Variants in SULT2A1 observed in about 807,000 individuals in gnomAD.
The protein encoded by SULT2A1 is sulfotransferase 2A1.
A neutral mutation model predicts 33.9 loss-of-function variants in SULT2A1; 43 were observed. That is an observed-to-expected ratio of 1.27 (90% CI 1.00 to 1.64). The LOEUF (loss-of-function observed/expected upper bound fraction) is 1.64. Among genes scored for constraint, SULT2A1 ranks in the 40% most tolerant of loss-of-function variants. The pLI is 0.00. For missense variants in SULT2A1, 300 were observed against 335.1 expected (o/e 0.90, Z 0.82); for synonymous variants, 125 against 113.6 (o/e 1.10, Z -0.64).
intron 2 of SULT2A1, 22 bp downstream of exon 2, chr19:47,883,555 G>T: frequency 6.2e-7 from 1 of 1,609,678 alleles, no homozygotes; most frequent in African/African-American, 1.3e-5. Flanking sequence ...GATCAAACAC[G>T]TCTTAACCAT....
At chr19:47,877,865 A>G (rs907753373) in intron 4 of SULT2A1, among the ~76,000 whole-genome samples, 2 of 152,128 alleles carry the variant, frequency 1.3e-5, no homozygotes, top group African/African-American at 4.8e-5. Flanking sequence ...TTGTTCTTTC[A>G]ATACTTGCTG....
chr19:47,879,328 G>A (rs1241658769), intron 3 of SULT2A1, among the ~76,000 whole-genome samples, 198 bp from the exon 4 acceptor site: 1 of 152,144 alleles, frequency 6.6e-6, no homozygotes, highest in Non-Finnish European at 1.5e-5. Flanking sequence ...ATACACTATG[G>A]AATGACAGTG....
At chr19:47,881,831 AAGTTTCCTGTGCTAG>A (rs986109140) in intron 3 of SULT2A1, among the ~76,000 whole-genome samples, 51 of 152,200 alleles carry the variant, frequency 3.4e-4, no homozygotes, top group Admixed American at 2.6e-3. Context: ...AGGAGAATAT[AAGTTTCCTGTGCTAG>A]TATTGGAGGC....
At chr19:47,875,737 A>G (rs896584050) in intron 4 of SULT2A1, among the ~76,000 whole-genome samples, 1 of 152,186 alleles carries the variant, frequency 6.6e-6, no homozygotes, top group African/African-American at 2.4e-5. Flanking sequence ...AGAGTTTAGG[A>G]CAACTTAACA....
At chr19:47,873,505 A>T (rs1440659259) in intron 5 of SULT2A1, among the ~76,000 whole-genome samples, 3 of 151,530 alleles carry the variant, frequency 2.0e-5, no homozygotes, top group African/African-American at 7.3e-5. Context: ...CATGCAATAG[A>T]CATTTCCATT....
intron 4 of SULT2A1, among the ~76,000 whole-genome samples, chr19:47,877,156 T>G (rs1473343403): frequency 6.6e-6 from 1 of 151,738 alleles, no homozygotes; most frequent in Non-Finnish European, 1.5e-5. Flanking sequence ...AGGAAGGTGT[T>G]GGGACGTGAC....
intron 4 of SULT2A1, among the ~76,000 whole-genome samples, chr19:47,878,199 G>A (rs1968566175): frequency 6.6e-6 from 1 of 152,052 alleles, no homozygotes; most frequent in South Asian, 2.1e-4. Flanking sequence ...TTTTAGAGCC[G>A]GCGTCTTGCT....
At chr19:47,880,616 T>C (rs1968594667) in intron 3 of SULT2A1, among the ~76,000 whole-genome samples, 1 of 151,444 alleles carries the variant, frequency 6.6e-6, no homozygotes, top group South Asian at 2.1e-4. Context: ...ACACAGAGTC[T>C]CACTCTGTCA....
intron 1 of SULT2A1, among the ~76,000 whole-genome samples, chr19:47,884,392 ATG>A (rs529457085): frequency 5.5e-4 from 83 of 150,030 alleles, no homozygotes; most frequent in African/African-American, 1.9e-3. Context: ...GTTAGCCAGG[ATG>A]GTCTCGATCT....
At chr19:47,877,340 G>A (rs745495356) in intron 4 of SULT2A1, among the ~76,000 whole-genome samples, 8 of 150,902 alleles carry the variant, frequency 5.3e-5, no homozygotes, top group Non-Finnish European at 1.0e-4. Flanking sequence ...GGGTTCAAGC[G>A]ATTCTCCTGA....
At chr19:47,883,846 C>T (rs189731114) in intron 1 of SULT2A1, 61 bp from the exon 2 acceptor site, 35 of 1,487,530 alleles carry the variant, frequency 2.4e-5, no homozygotes, top group East Asian at 9.4e-5. Flanking sequence ...TGGTGGCTCA[C>T]GCCTGTAATC....
At chr19:47,875,702 A>T (rs1448037141) in intron 4 of SULT2A1, among the ~76,000 whole-genome samples, 2 of 152,156 alleles carry the variant, frequency 1.3e-5, no homozygotes, top group Non-Finnish European at 2.9e-5. Flanking sequence ...AGATGCAAGG[A>T]TCATCGTGGA....
chr19:47,873,716 T>C (rs1050301193), intron 5 of SULT2A1, among the ~76,000 whole-genome samples: 1 of 136,302 alleles, frequency 7.3e-6, no homozygotes, highest in South Asian at 2.6e-4. Context: ...CTCCGCCTCC[T>C]GGGTTCACAC....
At chr19:47,885,331 A>G (rs1968645801) in intron 1 of SULT2A1, among the ~76,000 whole-genome samples, 1 of 151,980 alleles carries the variant, frequency 6.6e-6, no homozygotes, top group African/African-American at 2.4e-5. Context: ...TGTAAGTGGA[A>G]TCACACACTA....
chr19:47,881,017 C>T (rs1247697916), intron 3 of SULT2A1, among the ~76,000 whole-genome samples: 1 of 152,032 alleles, frequency 6.6e-6, no homozygotes, highest in Admixed American at 6.6e-5. Flanking sequence ...AGATAAACCC[C>T]ACGCAGTTAA....
chr19:47,875,165 A>C (rs1968531843), intron 4 of SULT2A1, among the ~76,000 whole-genome samples: 3 of 47,952 alleles, frequency 6.3e-5, no homozygotes, highest in Non-Finnish European at 4.4e-5. Context: ...TGTCAAAAAA[A>C]AAAAAAAAAA....
rs1968577804 is a variant in SULT2A1 at position 47,879,140 on chromosome 19, G to A, written c.473-10C>T. 1 of 1,579,966 alleles carries A rather than the reference G, an allele frequency of 6.3e-7. No individual in the cohort carries two copies. The highest frequency in any genetic ancestry group is 1.1e-5 in the South Asian group (1 of 90,246). On this transcript the variant is annotated splice_polypyrimidine_tract_variant and intron_variant, in intron 3 of 5. Coordinates refer to ENST00000222002, the MANE Select transcript of SULT2A1 (RefSeq NM_003167.4). ...CATGACCCATATAGCACTGCATGGG[G>A]TGGCAGAAAAAGTGATAGGTTACAA...
At chr19:47,886,056 A>G in intron 1 of SULT2A1, 66 bp downstream of exon 1, 1 of 1,573,322 alleles carries the variant, frequency 6.4e-7, no homozygotes, top group Middle Eastern at 1.7e-4. Context: ...GAAGAACTCC[A>G]ATCATGCACT....
chr19:47,871,618 G>T, intron 5 of SULT2A1, 51 bp from the exon 6 acceptor site: 1 of 1,219,900 alleles, frequency 8.2e-7, no homozygotes, highest in African/African-American at 1.5e-5. Context: ...TCCTTGACCT[G>T]TCTCCACCAG....
Sources: gnomAD v4.1 joint callset for allele counts (sites outside exome capture counted in the v4.1 genomes callset) on GRCh38, gnomAD v4.1.1 for gene constraint, MANE v1.5 for transcripts, NCBI Gene and HGNC (gene_info 2026-07-23, HGNC 2026-07-21) for gene names.